RAD51B: variants seen among roughly 807,000 people sequenced by gnomAD.
The protein encoded by RAD51B is RAD51 paralog B.
A neutral mutation model predicts 42.2 loss-of-function variants in RAD51B; 38 were observed. The observed-to-expected ratio is 0.90, with a 90% confidence interval of 0.70 to 1.18. RAD51B has a LOEUF of 1.18. Among genes scored for constraint, RAD51B ranks in the 50% most tolerant of loss-of-function variants. The pLI is 0.00. For synonymous variants in RAD51B, 154 were observed against 145.2 expected (o/e 1.06, Z -0.43); for missense variants, 373 against 400.7 (o/e 0.93, Z 0.59).
intron 7 of RAD51B, among the ~76,000 whole-genome samples, chr14:68,260,382 T>G (rs549032637): frequency 1.6e-4 from 22 of 133,936 alleles, no homozygotes; most frequent in African/African-American, 6.1e-4. Flanking sequence ...GTTTCATGGC[T>G]GACACCTCTA....
At chr14:68,254,464 AG>A (rs1039080534) in intron 7 of RAD51B, among the ~76,000 whole-genome samples, 2 of 152,224 alleles carry the variant, frequency 1.3e-5, no homozygotes, top group Admixed American at 6.5e-5. Context: ...AAAAAACCAC[AG>A]TAGTATTAGC....
intron 7 of RAD51B, among the ~76,000 whole-genome samples, chr14:67,960,116 G>C (rs2074633700): frequency 6.6e-6 from 1 of 151,516 alleles, no homozygotes; most frequent in Non-Finnish European, 1.5e-5. Flanking sequence ...GTGTATGTTT[G>C]TGTGTGTGTG....
chr14:68,674,219 G>A lies in RAD51B; in HGVS notation c.*11+23363G>A, dbSNP rs147937305. On this transcript the variant is annotated intron_variant, in intron 11 of 11. Transcript: ENST00000488612. ...TACACACATATACATACATATATACGTGTACACACATATGTATACACACGT... is the reference window on the plus strand; with the variant it reads ...TACACACATATACATACATATATACATGTACACACATATGTATACACACGT... Among the ~76,000 whole-genome samples, 901 of 151,544 alleles carry A rather than the reference G, an allele frequency of 5.9e-3. 9 individuals carry two copies. The highest frequency in any genetic ancestry group is 8.1e-3 in the Non-Finnish European group (551 of 67,938).
chr14:68,521,763 GT>G (rs1440428308), intron 10 of RAD51B, among the ~76,000 whole-genome samples: 1 of 152,134 alleles, frequency 6.6e-6, no homozygotes, highest in African/African-American at 2.4e-5. Flanking sequence ...AATCCCCAGA[GT>G]CTTGAAAACC....
rs150647343 is a variant in RAD51B, at chr14:68,030,178, A to G, written c.756+142974A>G. Among the ~76,000 whole-genome samples, 475 of 152,282 alleles carry G rather than the reference A, an allele frequency of 3.1e-3. 4 individuals carry two copies. The highest frequency in any genetic ancestry group is 3.3e-3 in the Non-Finnish European group (224 of 68,018). Reference sequence around the variant, plus strand: ...GAATGACAAATGAGCATTGGTTTCAACTTAAAGTCACCAGCTGCATTAGCC... The same window carrying G: ...GAATGACAAATGAGCATTGGTTTCAGCTTAAAGTCACCAGCTGCATTAGCC... On this transcript the variant is annotated intron_variant, in intron 7 of 10. Transcript: ENST00000471583.
At chr14:68,023,405 GCAA>G (rs2075901015) in intron 7 of RAD51B, among the ~76,000 whole-genome samples, 1 of 152,098 alleles carries the variant, frequency 6.6e-6, no homozygotes, top group Admixed American at 6.5e-5. Flanking sequence ...CTGGCTGACT[GCAA>G]CCTCCGCCTC....
chr14:68,342,730 T>TA (rs34992185), intron 8 of RAD51B, among the ~76,000 whole-genome samples: 75,883 of 152,110 alleles, frequency 0.5, 21,741 homozygotes, highest in South Asian at 0.67. Flanking sequence ...GAAGGACACT[T>TA]GGGGAGCAGA....
chr14:68,020,376 G>T (rs2140348280), intron 7 of RAD51B, among the ~76,000 whole-genome samples: 1 of 152,204 alleles, frequency 6.6e-6, no homozygotes, highest in African/African-American at 2.4e-5. Flanking sequence ...CTCCCAGAAT[G>T]CTAGGATTAC....
At chr14:68,091,458 A>G in intron 7 of RAD51B, among the ~76,000 whole-genome samples, 1 of 152,154 alleles carries the variant, frequency 6.6e-6, no homozygotes, top group Non-Finnish European at 1.5e-5. Flanking sequence ...GCCAATGATG[A>G]TGAGCATTTT....
intron 7 of RAD51B, among the ~76,000 whole-genome samples, chr14:68,064,363 A>G (rs1269311622): frequency 6.6e-6 from 1 of 151,944 alleles, no homozygotes; most frequent in South Asian, 2.1e-4. Flanking sequence ...TGCTTTTCCT[A>G]TGCTGTTTTA....
At chr14:68,497,037 AAC>A in intron 10 of RAD51B, 1 of 1,234,090 alleles carries the variant, frequency 8.1e-7, no homozygotes, top group Non-Finnish European at 1.1e-6. Flanking sequence ...TTCAATAAAC[AAC>A]AGTTTTAGCC....
chr14:67,952,077 C>T (rs927588383), intron 7 of RAD51B, among the ~76,000 whole-genome samples: 1 of 152,126 alleles, frequency 6.6e-6, no homozygotes, highest in African/African-American at 2.4e-5. Context: ...ACTTTTTCCA[C>T]TCTAATTCCA....
At chr14:68,350,829 C>T (rs764107088) in intron 8 of RAD51B, among the ~76,000 whole-genome samples, 3 of 152,146 alleles carry the variant, frequency 2.0e-5, no homozygotes, top group Non-Finnish European at 4.4e-5. Context: ...TAGTGGGATA[C>T]TGGAAGGTAG....
At chr14:68,006,126 G>A (rs2075588107) in intron 7 of RAD51B, among the ~76,000 whole-genome samples, 2 of 152,028 alleles carry the variant, frequency 1.3e-5, no homozygotes, top group South Asian at 4.2e-4. Flanking sequence ...CCAACATTGG[G>A]GATTATACTT....
At position 68,477,988 on chromosome 14, in the gene RAD51B, A is replaced by G; in HGVS notation, c.*324A>G. On this transcript the variant is annotated 3_prime_UTR_variant, in exon 11 of 11. Coordinates refer to ENST00000471583, the MANE Select transcript of RAD51B (RefSeq NM_133510.4). Reference sequence around the variant, plus strand: ...AGGCACCTCAAAGCGGTTTAACCACATTAATTAATTAAAGCCCACAATCCT... The same window carrying G: ...AGGCACCTCAAAGCGGTTTAACCACGTTAATTAATTAAAGCCCACAATCCT... 2.7e-6 allele frequency: 3 copies of G among 1,122,768 alleles called. No individual in the cohort carries two copies. The highest frequency in any genetic ancestry group is 3.3e-6 in the Non-Finnish European group (3 of 917,792). The allele number at this position is 1,122,768 out of a possible 1,614,324, so 69.6% of individuals were successfully genotyped here.
intron 9 of RAD51B, among the ~76,000 whole-genome samples, chr14:68,458,741 T>A (rs2085767173): frequency 6.6e-6 from 1 of 151,612 alleles, no homozygotes; most frequent in South Asian, 2.1e-4. Context: ...CAGATCAGCT[T>A]ACTTTATGTC....
chr14:67,822,537 C>T (rs2040666781), intron 1 of RAD51B, among the ~76,000 whole-genome samples: 1 of 151,832 alleles, frequency 6.6e-6, no homozygotes, highest in African/African-American at 2.4e-5. Context: ...ATTGGGCAGG[C>T]ATGGTGTCGA....
chr14:68,611,606 G>T, downstream of RAD51B: 2 of 362,246 alleles, frequency 5.5e-6, no homozygotes, highest in Non-Finnish European at 5.1e-6. Flanking sequence ...ACAAATTAGT[G>T]TGTTTTGTAG....
chr14:68,224,336 A>T (rs556883462), intron 7 of RAD51B, among the ~76,000 whole-genome samples: 1 of 152,246 alleles, frequency 6.6e-6, no homozygotes, highest in East Asian at 1.9e-4. Flanking sequence ...ATCCAGTTTT[A>T]TTCTCTCCCA....
Sources: gnomAD v4.1 joint callset for allele counts (sites outside exome capture counted in the v4.1 genomes callset) on GRCh38, gnomAD v4.1.1 for gene constraint, MANE v1.5 for transcripts, NCBI Gene and HGNC (gene_info 2026-07-23, HGNC 2026-07-21) for gene names.